ABCC9: variants seen among roughly 807,000 people sequenced by gnomAD.
The protein encoded by ABCC9 is ATP-binding cassette sub-family C member 9.
A neutral mutation model predicts 188.3 loss-of-function variants in ABCC9; 95 were observed. The ratio of observed to expected loss-of-function variants is 0.50; its 90% CI spans 0.43 to 0.60. The LOEUF (loss-of-function observed/expected upper bound fraction) is 0.60, where lower values mean the gene tolerates loss of function less well. Among genes scored for constraint, ABCC9 ranks in the 20% least tolerant of loss-of-function variants. ABCC9 has a pLI of 0.00. For synonymous variants in ABCC9, 659 were observed against 652.7 expected, an observed-to-expected ratio of 1.01 and a Z score of -0.15; for missense variants, 1,102 against 1,876.3, an observed-to-expected ratio of 0.59 and a Z score of 7.62.
intron 11 of ABCC9, among the ~76,000 whole-genome samples, chr12:21,907,722 C>T (rs1948110251): frequency 1.3e-5 from 2 of 152,020 alleles, no homozygotes; most frequent in Admixed American, 6.6e-5. Context: ...TTCACTTGCA[C>T]CTTGATCCAT....
Position 21,807,496 on chromosome 12 carries a change from A to G in ABCC9, c.4316-17T>C. 6.2e-7 allele frequency: 1 copy of G among 1,613,660 alleles called. No individual in the cohort carries two copies. The highest frequency in any genetic ancestry group is 1.1e-5 in the South Asian group (1 of 91,086). ...CAACCGCATCTAAATCAGAGAAAGA[A>G]GCAAGGATTTCACTAAAGAAATGCT... On this transcript the variant is annotated splice_polypyrimidine_tract_variant and intron_variant, in intron 37 of 39. Transcript: ENST00000261200.
rs190039543 is a variant in ABCC9, at chr12:21,821,264, A to G, written c.3670-3013T>C. ...TGGGAAGTCCAACACCGAGTTTTAT[A>G]ATCTTTTAACTCCCATGTCCATTTA... is the stretch of plus-strand genomic sequence containing the variant. On this transcript the variant is annotated intron_variant, in intron 31 of 39. Transcript: ENST00000261200. 3.3e-5 allele frequency among the ~76,000 whole-genome samples: 5 copies of G among 152,292 alleles called. No individual in the cohort carries two copies. In the East Asian group the frequency reaches 7.7e-4, roughly 24 times the overall value.
At chr12:21,875,326 C>G (rs996084055) in intron 17 of ABCC9, among the ~76,000 whole-genome samples, 4 of 152,228 alleles carry the variant, frequency 2.6e-5, no homozygotes, top group Admixed American at 1.3e-4. Context: ...TTCTCGCAAA[C>G]AGAAAATAAG....
In ABCC9 at chr12:21,801,003, C is replaced by CTGCATTATTTTAAATACA; in HGVS notation, c.*23_*40dup. Reference sequence around the variant, plus strand: ...TGATGATCCATTAATTAGGTTATGACTGCATTATTTTAAATACATGTATTG... The same window carrying CTGCATTATTTTAAATACA: ...TGATGATCCATTAATTAGGTTATGACTGCATTATTTTAAATACATGCATTATTTTAAATACATGTATTG... On this transcript the variant is annotated 3_prime_UTR_variant, in exon 40 of 40. Transcript: ENST00000261200. 1 of 1,611,730 alleles carries CTGCATTATTTTAAATACA rather than the reference C, an allele frequency of 6.2e-7. No individual in the cohort carries two copies. The highest frequency in any genetic ancestry group is 8.5e-7 in the Non-Finnish European group (1 of 1,179,036).
intron 36 of ABCC9, among the ~76,000 whole-genome samples, chr12:21,810,236 TC>T (rs1942136541): frequency 6.6e-6 from 1 of 152,190 alleles, no homozygotes; most frequent in Non-Finnish European, 1.5e-5. Flanking sequence ...CTCCATTGGC[TC>T]CAAACTATGC....
At chr12:21,822,545 A>G (rs1473156550) in intron 31 of ABCC9, among the ~76,000 whole-genome samples, 1 of 152,138 alleles carries the variant, frequency 6.6e-6, no homozygotes, top group Non-Finnish European at 1.5e-5. Flanking sequence ...CATTCCTGTA[A>G]TCCCAGCACT....
rs773531870 is a variant in ABCC9 at position 21,848,237 on chromosome 12, C to T, written c.2779G>A (p.Ala927Thr). 1.9e-6 allele frequency: 3 copies of T among 1,613,102 alleles called. No individual in the cohort carries two copies. Among genetic ancestry groups the T allele is most frequent in the East Asian group, 2.2e-5 (1 of 44,860 alleles). The stretch of plus-strand genomic sequence containing the variant: ...TTCCTCTCTAAAGTAGTTTGGTCAG[C>T]TTCCATATCCTGCAGTAAACATTGT... The part of the protein sequence containing the change: ...QDQELEKDME[A>T]DQTTLERKTL... The change falls in exon 25 of 40, where the codon GCT (alanine) becomes ACT (threonine). Residue 927 changes from alanine to threonine, a missense_variant. This residue lies in a region of ABCC9 where 131 missense variants were observed against 170.2 expected (regional missense o/e 0.77). Coordinates refer to ENST00000261200, the MANE Select transcript of ABCC9 (RefSeq NM_020297.4).
At position 21,797,916 on chromosome 12, in the gene ABCC9, A is replaced by G. The variant is rs1207752810; in HGVS notation, c.*3128T>C. Reference sequence around the variant, plus strand: ...ATTAAATATAAAATTTATAAATGTAAAATCTGATTTAGTTAAGGTGGTCAT... The same window carrying G: ...ATTAAATATAAAATTTATAAATGTAGAATCTGATTTAGTTAAGGTGGTCAT... On this transcript the variant is annotated 3_prime_UTR_variant, in exon 40 of 40. Coordinates refer to ENST00000261200, the MANE Select transcript of ABCC9 (RefSeq NM_020297.4). The G allele has an allele frequency of 6.6e-6, 1 of 152,194 alleles. No individual in the cohort carries two copies. Among genetic ancestry groups the G allele is most frequent in the Admixed American group, 6.5e-5 (1 of 15,280 alleles). The allele number at this position is 152,194 out of a possible 1,614,324, so 9.4% of individuals were successfully genotyped here.
chr12:21,881,047 C>G (rs1230529520), intron 16 of ABCC9, among the ~76,000 whole-genome samples: 1 of 152,090 alleles, frequency 6.6e-6, no homozygotes, highest in Admixed American at 6.5e-5. Context: ...AACACACACA[C>G]ACACATATAC....
At chr12:21,894,553 G>A (rs1362257624) in intron 13 of ABCC9, among the ~76,000 whole-genome samples, 2 of 72,162 alleles carry the variant, frequency 2.8e-5, no homozygotes, top group Non-Finnish European at 6.1e-5. Context: ...TTGTTTTGGG[G>A]TCCTCACTGT....
chr12:21,889,629 T>C (rs897344785), intron 14 of ABCC9, among the ~76,000 whole-genome samples: 1 of 152,160 alleles, frequency 6.6e-6, no homozygotes, highest in Admixed American at 6.6e-5. Context: ...ATTCTGACAT[T>C]AAGTAAAGTT....
chr12:21,827,251 A>C, intron 31 of ABCC9: 1 of 985,294 alleles, frequency 1.0e-6, no homozygotes, highest in Non-Finnish European at 1.2e-6. Flanking sequence ...ATGAGAACAG[A>C]GCATATGGTT....
intron 22 of ABCC9, among the ~76,000 whole-genome samples, chr12:21,853,583 CATTA>C (rs1245579199): frequency 2.6e-5 from 4 of 152,066 alleles, no homozygotes; most frequent in Admixed American, 1.3e-4. Context: ...TAAGAACTCA[CATTA>C]ATTGTCTTTT....
Position 21,845,635 on chromosome 12 carries a change from A to C in ABCC9, c.3064T>G (p.Tyr1022Asp). Reference sequence around the variant, plus strand: ...GCTTTTCCAGTATTGTTTATACTGTACTCCGATGTCCATGTGGCCAGCCAA... The same window carrying C: ...GCTTTTCCAGTATTGTTTATACTGTCCTCCGATGTCCATGTGGCCAGCCAA... ...DYWLATWTSE[Y>D]SINNTGKADQ... is the part of the protein sequence containing the mutation. The change falls in exon 26 of 40, where the codon TAC becomes GAC. Residue 1022 changes from tyrosine (Y) to aspartate (D), a missense_variant. Tyr to Asp is a radical substitution (Grantham distance 160). Around this residue, in one of 12 missense-constraint regions of ABCC9, gnomAD observed 74 missense variants for 132.7 expected, o/e 0.56. Transcript: ENST00000261200. The C allele has an allele frequency of 1.9e-6, 3 of 1,613,690 alleles. No homozygotes were observed. Among genetic ancestry groups the C allele is most frequent in the Non-Finnish European group, 2.5e-6 (3 of 1,179,744 alleles).
chr12:21,812,830 C>T (rs940377771), intron 35 of ABCC9, among the ~76,000 whole-genome samples: 4 of 151,970 alleles, frequency 2.6e-5, no homozygotes, highest in African/African-American at 9.7e-5. Flanking sequence ...CACATGTACC[C>T]CAGAACTTAA....
intron 34 of ABCC9, among the ~76,000 whole-genome samples, chr12:21,815,182 CAAAAAAT>C (rs1025636186): frequency 6.6e-5 from 10 of 151,210 alleles, no homozygotes; most frequent in Admixed American, 6.6e-5. Flanking sequence ...GACCCTGTCT[CAAAAAAT>C]AAAAAATAAA....
intron 15 of ABCC9, among the ~76,000 whole-genome samples, chr12:21,886,652 C>T (rs1211048683): frequency 6.6e-6 from 1 of 152,060 alleles, no homozygotes. Flanking sequence ...TGAAACCTTC[C>T]AATAATTTCC....
At chr12:21,819,073 A>G (rs1421154734) in intron 31 of ABCC9, among the ~76,000 whole-genome samples, 1 of 152,180 alleles carries the variant, frequency 6.6e-6, no homozygotes, top group African/African-American at 2.4e-5. Flanking sequence ...AATAACAGCC[A>G]TAGATTCAAA....
intron 12 of ABCC9, among the ~76,000 whole-genome samples, chr12:21,896,857 T>C (rs918530522): frequency 6.6e-6 from 1 of 152,240 alleles, no homozygotes; most frequent in Non-Finnish European, 1.5e-5. Context: ...TCTTTGCTAT[T>C]GTGAATAGTG....
Sources: allele counts gnomAD v4.1 joint callset (sites outside exome capture counted in the v4.1 genomes callset), GRCh38; gene constraint gnomAD v4.1.1; regional missense constraint gnomAD v4.1.1; transcripts MANE v1.5; gene names NCBI Gene and HGNC (gene_info 2026-07-23, HGNC 2026-07-21).